The following LHFPL3 variants were observed in gnomAD, a reference collection of about 807,000 sequenced individuals.
LHFPL3 encodes LHFPL tetraspan subfamily member 3 protein.
In LHFPL3, 5 loss-of-function variants were observed where a neutral mutation model predicts 19.3. The observed-to-expected ratio is 0.26, with a 90% CI of 0.14 to 0.54. The LOEUF (loss-of-function observed/expected upper bound fraction) is 0.54, where lower values mean the gene tolerates loss of function less well. Among genes scored for constraint, LHFPL3 ranks in the 20% least tolerant of loss-of-function variants. LHFPL3 has a pLI of 0.94. For missense variants in LHFPL3, 249 were observed against 307.4 expected (o/e 0.81, Z 1.42); for synonymous variants, 133 against 126.2 (o/e 1.05, Z -0.36).
chr7:104,578,541 T>A lies in LHFPL3; in HGVS notation c.446-158134T>A, dbSNP rs139026669. ...AGTTTGATATTATAATGTATGATAT[T>A]ACATTATATTATATCATGGCATATC... is the stretch of plus-strand genomic sequence containing the variant. On this transcript the variant is annotated intron_variant, in intron 1 of 2. Transcript: ENST00000424859. Among the ~76,000 whole-genome samples, 409 of 152,336 alleles carry A rather than the reference T, an allele frequency of 2.7e-3. 1 individual carries two copies. The highest frequency in any genetic ancestry group is 9.5e-3 in the African/African-American group (395 of 41,566).
intron 1 of LHFPL3, among the ~76,000 whole-genome samples, chr7:104,724,147 C>T (rs569464408): frequency 2.0e-5 from 3 of 152,256 alleles, no homozygotes; most frequent in South Asian, 2.1e-4. Flanking sequence ...CTATACAAAT[C>T]GTGCAGGTTA....
At chr7:104,481,549 G>C (rs756774176) in intron 1 of LHFPL3, among the ~76,000 whole-genome samples, 1 of 151,714 alleles carries the variant, frequency 6.6e-6, no homozygotes, top group Non-Finnish European at 1.5e-5. Context: ...TGCATGGGTG[G>C]TCTCCCTATT....
At chr7:104,862,152 CCTT>C (rs1287619815) in intron 2 of LHFPL3, among the ~76,000 whole-genome samples, 1 of 152,138 alleles carries the variant, frequency 6.6e-6, no homozygotes, top group Non-Finnish European at 1.5e-5. Context: ...CCAAATGCCA[CCTT>C]CTTTGAGTTT....
intron 1 of LHFPL3, among the ~76,000 whole-genome samples, chr7:104,625,819 A>G (rs1391496886): frequency 6.6e-6 from 1 of 152,216 alleles, no homozygotes; most frequent in African/African-American, 2.4e-5. Context: ...TGCACTGAAT[A>G]TGACCCTATC....
At chr7:104,557,899 A>G (rs941850099) in intron 1 of LHFPL3, among the ~76,000 whole-genome samples, 9 of 150,612 alleles carry the variant, frequency 6.0e-5, no homozygotes, top group East Asian at 3.9e-4. Context: ...TCATTGTTCA[A>G]TTCCCACCTA....
intron 2 of LHFPL3, among the ~76,000 whole-genome samples, chr7:104,884,442 C>T (rs1159583765): frequency 3.3e-5 from 5 of 152,166 alleles, no homozygotes; most frequent in East Asian, 3.8e-4. Flanking sequence ...CAGAATCATC[C>T]GGACCTACCA....
chr7:104,645,353 CA>C (rs1192286660), intron 1 of LHFPL3, among the ~76,000 whole-genome samples: 2 of 151,976 alleles, frequency 1.3e-5, no homozygotes, highest in African/African-American at 2.4e-5. Flanking sequence ...TTTTTGCTTT[CA>C]AAAAGGGAAA....
rs1801509771 is a variant in LHFPL3, at chr7:104,328,720, C to G, written c.-60C>G. On this transcript the variant is annotated 5_prime_UTR_variant, in exon 1 of 3. Coordinates refer to ENST00000424859, the MANE Select transcript of LHFPL3 (RefSeq NM_199000.3). This position sits in a 1 kb window ranked among gnomAD's most constrained non-coding sequence, Gnocchi z 4.6. ...GCTCCGTGAGTGTGTCTCCTGCGCG[C>G]TGAGAGGCGGGGGGAGGCGGAGGAC... 48 of 1,456,592 alleles carry G rather than the reference C, an allele frequency of 3.3e-5. 1 individual carries two copies. In the South Asian group the frequency reaches 5.8e-4, roughly 18 times the overall value. The allele number at this position is 1,456,592 out of a possible 1,614,324, so 90.2% of individuals were successfully genotyped here. A position where few individuals can be genotyped will look rare whatever the true frequency, so the allele number is the denominator to read the frequency against.
At chr7:104,433,269 A>G (rs1042826988) in intron 1 of LHFPL3, among the ~76,000 whole-genome samples, 3 of 152,228 alleles carry the variant, frequency 2.0e-5, no homozygotes, top group African/African-American at 7.2e-5. Flanking sequence ...GGAAAAGTTT[A>G]CATGCTTAAA....
chr7:104,739,541 T>C (rs569164197), intron 2 of LHFPL3, among the ~76,000 whole-genome samples: 1 of 152,212 alleles, frequency 6.6e-6, no homozygotes, highest in African/African-American at 2.4e-5. Context: ...CTTTTACAAA[T>C]TGCATGGATG....
chr7:104,651,017 G>A (rs1193987044), intron 1 of LHFPL3, among the ~76,000 whole-genome samples: 1 of 152,174 alleles, frequency 6.6e-6, no homozygotes, highest in Non-Finnish European at 1.5e-5. Flanking sequence ...TATGACAGCA[G>A]GGTCACCTCG....
At chr7:104,391,380 T>G (rs1275202822) in intron 1 of LHFPL3, among the ~76,000 whole-genome samples, 2 of 152,190 alleles carry the variant, frequency 1.3e-5, no homozygotes, top group Non-Finnish European at 2.9e-5. Context: ...AAGGAAGGGA[T>G]CCAGTTTCAG....
chr7:104,405,042 A>G (rs1446529513), intron 1 of LHFPL3, among the ~76,000 whole-genome samples: 1 of 152,182 alleles, frequency 6.6e-6, no homozygotes, highest in Non-Finnish European at 1.5e-5. Flanking sequence ...CTTTAGTTAC[A>G]TGGGTTTTTA....
At chr7:104,693,456 T>C (rs1226387198) in intron 1 of LHFPL3, among the ~76,000 whole-genome samples, 2 of 152,182 alleles carry the variant, frequency 1.3e-5, no homozygotes, top group Non-Finnish European at 2.9e-5. Flanking sequence ...TCCCTATGTG[T>C]CATGGGAGGG....
chr7:104,530,680 G>C (rs116480394), intron 1 of LHFPL3, among the ~76,000 whole-genome samples: 1 of 152,130 alleles, frequency 6.6e-6, no homozygotes, highest in Non-Finnish European at 1.5e-5. Flanking sequence ...CATATTTTGG[G>C]TAATAAATTA....
chr7:104,565,946 A>C (rs1790115997), intron 1 of LHFPL3, among the ~76,000 whole-genome samples: 1 of 152,140 alleles, frequency 6.6e-6, no homozygotes, highest in Non-Finnish European at 1.5e-5. Flanking sequence ...TGCACTGTTA[A>C]GGCCCACGGC....
intron 2 of LHFPL3, among the ~76,000 whole-genome samples, chr7:104,759,026 A>T (rs1323047422): frequency 6.6e-6 from 1 of 152,236 alleles, no homozygotes; most frequent in African/African-American, 2.4e-5. Flanking sequence ...TGACTGACAG[A>T]TGACTTCCTG....
chr7:104,694,784 C>T (rs551830938), intron 1 of LHFPL3, among the ~76,000 whole-genome samples: 21 of 152,314 alleles, frequency 1.4e-4, no homozygotes, highest in South Asian at 1.2e-3. Flanking sequence ...AATGAAAATA[C>T]GCTGCAAGAC....
intron 1 of LHFPL3, among the ~76,000 whole-genome samples, chr7:104,637,312 T>A (rs1194259997): frequency 6.6e-6 from 1 of 152,190 alleles, no homozygotes; most frequent in East Asian, 1.9e-4. Flanking sequence ...TGCAAAGATT[T>A]TCTACCATTC....
Sources: gnomAD v4.1 joint callset for allele counts (sites outside exome capture counted in the v4.1 genomes callset) on GRCh38, gnomAD v4.1.1 for gene constraint, Gnocchi (gnomAD v3.1) non-coding constraint, MANE v1.5 for transcripts, NCBI Gene and HGNC (gene_info 2026-07-23, HGNC 2026-07-21) for gene names.